The following UIMC1 variants were observed in gnomAD, a reference collection of about 807,000 sequenced individuals.
UIMC1 encodes ubiquitin interaction motif containing 1.
A neutral mutation model predicts 84.9 loss-of-function variants in UIMC1; 42 were observed. The observed-to-expected ratio is 0.49, with a 90% confidence interval of 0.39 to 0.64. The LOEUF is 0.64. UIMC1 is among the 30% of genes least tolerant of loss of function. The pLI is 0.00. For missense variants in UIMC1, 825 were observed against 847.6 expected, an observed-to-expected ratio of 0.97 and a Z score of 0.33; for synonymous variants, 281 against 293.0, an observed-to-expected ratio of 0.96 and a Z score of 0.42.
rs529421497 is a variant in UIMC1 at position 176,946,443 on chromosome 5, CG to C, written c.1444-2956del. ...AGGAGAATCACTTAAACCTGGGAGG[CG>C]GAGGCTGCAGTGAGCCGAGATCCCG... On this transcript the variant is annotated intron_variant, in intron 9 of 14. Coordinates refer to ENST00000511320, the MANE Select transcript of UIMC1 (RefSeq NM_001199298.2). Among the ~76,000 whole-genome samples the C allele has an allele frequency of 2.4e-3, 360 of 151,934 alleles. 1 individual carries two copies. Among genetic ancestry groups the C allele is most frequent in the African/African-American group, 8.4e-3 (349 of 41,374 alleles).
intron 12 of UIMC1, 38 bp downstream of exon 12, chr5:176,908,485 A>T: frequency 6.3e-7 from 1 of 1,581,196 alleles, no homozygotes; most frequent in Non-Finnish European, 8.6e-7. Context: ...GACAACCAGG[A>T]GGGTTAGGTG....
intron 1 of UIMC1, among the ~76,000 whole-genome samples, chr5:176,988,746 C>T (rs1185639379): frequency 1.4e-5 from 2 of 140,662 alleles, no homozygotes; most frequent in African/African-American, 2.7e-5. Context: ...TGCAGTGGTG[C>T]GATCTCTGCT....
At chr5:176,973,606 A>C (rs1213417328) in intron 3 of UIMC1, among the ~76,000 whole-genome samples, 1 of 151,856 alleles carries the variant, frequency 6.6e-6, no homozygotes, top group African/African-American at 2.4e-5. Flanking sequence ...AAAGAAAAAA[A>C]TAAATTTTAA....
chr5:176,965,338 C>T (rs1768121406), intron 6 of UIMC1, among the ~76,000 whole-genome samples: 1 of 151,360 alleles, frequency 6.6e-6, no homozygotes, highest in South Asian at 2.1e-4. Flanking sequence ...CAGGAGAATG[C>T]GTGAACCCGG....
chr5:176,931,897 G>A (rs1338080796), intron 10 of UIMC1, among the ~76,000 whole-genome samples: 1 of 152,020 alleles, frequency 6.6e-6, no homozygotes, highest in Non-Finnish European at 1.5e-5. Flanking sequence ...TGCTTAAACC[G>A]AGGAGGCAGA....
intron 1 of UIMC1, among the ~76,000 whole-genome samples, chr5:177,012,556 G>T (rs902174126): frequency 6.6e-6 from 1 of 151,988 alleles, no homozygotes; most frequent in African/African-American, 2.4e-5. Flanking sequence ...AGCCAGGCGC[G>T]GTGGCAGGCA....
chr5:176,915,596 C>T (rs977661844), intron 10 of UIMC1, among the ~76,000 whole-genome samples: 1 of 151,608 alleles, frequency 6.6e-6, no homozygotes, highest in Admixed American at 6.6e-5. Context: ...GCTGGGATTA[C>T]AGGCGCCTGC....
At chr5:176,947,173 T>C (rs1049311153) in intron 9 of UIMC1, among the ~76,000 whole-genome samples, 3 of 152,184 alleles carry the variant, frequency 2.0e-5, no homozygotes, top group Non-Finnish European at 4.4e-5. Context: ...TAGGCAACCC[T>C]GAAGGTTTCT....
intron 14 of UIMC1, 152 bp downstream of exon 14, chr5:176,905,859 A>G: frequency 4.0e-6 from 3 of 757,400 alleles, no homozygotes; most frequent in Non-Finnish European, 4.4e-6. Context: ...CTAAATGGGG[A>G]GCACAGAGTC....
At position 176,956,742 on chromosome 5, in the gene UIMC1, C is replaced by G. The variant is rs555260372; in HGVS notation, c.1263-707G>C. Among the ~76,000 whole-genome samples the G allele has an allele frequency of 2.0e-5, 3 of 151,810 alleles. No homozygotes were observed. In the South Asian group the frequency reaches 6.3e-4, roughly 32 times the overall value. On this transcript the variant is annotated intron_variant, in intron 7 of 14. Transcript: ENST00000511320. The stretch of plus-strand genomic sequence containing the variant: ...CACAGGGCTTTACGATTAGTTTGAT[C>G]AAGTATGCAAGAGGATGCTTGAAAA...
intron 11 of UIMC1, among the ~76,000 whole-genome samples, chr5:176,909,556 A>T (rs1759843431): frequency 6.6e-6 from 1 of 152,190 alleles, no homozygotes; most frequent in African/African-American, 2.4e-5. Context: ...AAGCTAAAAA[A>T]ATTTTCCAAA....
chr5:176,959,182 A>G (rs1373076809), intron 6 of UIMC1, among the ~76,000 whole-genome samples: 2 of 152,282 alleles, frequency 1.3e-5, no homozygotes, highest in Non-Finnish European at 2.9e-5. Flanking sequence ...AAAATACAAC[A>G]GCAATAAATA....
At chr5:176,959,246 TCAGAAAGAGA>T (rs1399839417) in intron 6 of UIMC1, among the ~76,000 whole-genome samples, 1 of 151,792 alleles carries the variant, frequency 6.6e-6, no homozygotes, top group Non-Finnish European at 1.5e-5. Context: ...TATTGAACTC[TCAGAAAGAGA>T]AAGAAAGAGA....
chr5:176,957,634 A>G (rs1161805849), intron 7 of UIMC1, among the ~76,000 whole-genome samples: 2 of 152,190 alleles, frequency 1.3e-5, no homozygotes, highest in South Asian at 2.1e-4. Flanking sequence ...AGAGGATGTT[A>G]AGTCTCAAGA....
chr5:176,994,021 A>G (rs1033615038), intron 1 of UIMC1, among the ~76,000 whole-genome samples: 3 of 152,022 alleles, frequency 2.0e-5, no homozygotes, highest in African/African-American at 4.8e-5. Flanking sequence ...AAAAAAAAAA[A>G]AAGAAGAAAG....
chr5:176,980,782 CA>C (rs1326083432), intron 2 of UIMC1, among the ~76,000 whole-genome samples: 1 of 152,038 alleles, frequency 6.6e-6, no homozygotes, highest in Non-Finnish European at 1.5e-5. Flanking sequence ...AGATGGAGTG[CA>C]GTGGTACAAT....
In UIMC1 at chr5:176,969,214, CCT is replaced by C. The variant is rs778053305; in HGVS notation, c.539_540del (p.Glu180GlyfsTer7). The stretch of plus-strand genomic sequence containing the variant: ...GTTTTTTCAGTGTGGTCCCAAGGCT[CCT>C]CTCTTTCCTCAGCCTCGTTTCCCTG... ...ISQGNEAEER[E>X]EPWDHTEKTE... On this transcript the variant is annotated frameshift_variant, in exon 6 of 15. Transcript: ENST00000511320. LOFTEE classifies it high-confidence loss of function. 1.2e-6 allele frequency: 2 copies of C among 1,614,096 alleles called. No individual in the cohort carries two copies. The highest frequency in any genetic ancestry group is 1.3e-5 in the African/African-American group (1 of 74,932).
At chr5:176,982,997 C>A (rs967076811) in intron 1 of UIMC1, among the ~76,000 whole-genome samples, 2 of 152,072 alleles carry the variant, frequency 1.3e-5, no homozygotes. Context: ...CCACATCCAG[C>A]CTAATTTTTG....
intron 1 of UIMC1, among the ~76,000 whole-genome samples, chr5:176,989,262 C>T (rs141590547): frequency 3.2e-3 from 488 of 152,200 alleles, no homozygotes; most frequent in Non-Finnish European, 6.1e-3. Flanking sequence ...CACACAGATG[C>T]TTACAATTTA....
Sources: gnomAD v4.1 joint callset for allele counts (sites outside exome capture counted in the v4.1 genomes callset) on GRCh38, gnomAD v4.1.1 for gene constraint, MANE v1.5 for transcripts, NCBI Gene and HGNC (gene_info 2026-07-23, HGNC 2026-07-21) for gene names.